The following MAPK10 variants were observed in gnomAD, a reference collection of about 807,000 sequenced individuals.
The protein encoded by MAPK10 is JNK3 alpha protein kinase.
MAPK10 carries 25 observed loss-of-function variants against 59.3 expected under a neutral mutation model. The ratio of observed to expected loss-of-function variants is 0.42; its 90% CI spans 0.31 to 0.59. MAPK10 has a LOEUF of 0.59. Ranked by LOEUF, MAPK10 falls within the 20% of genes least tolerant of loss-of-function variation. The pLI is 0.15. For missense variants in MAPK10, 351 were observed against 568.9 expected (o/e 0.62, Z 3.90); for synonymous variants, 190 against 200.5 (o/e 0.95, Z 0.44).
At chr4:86,329,317 T>C (rs2096095652) in intron 2 of MAPK10, among the ~76,000 whole-genome samples, 1 of 152,246 alleles carries the variant, frequency 6.6e-6, no homozygotes, top group Admixed American at 6.5e-5. Flanking sequence ...ATGTGTTAAA[T>C]ATATTTAAGC....
rs761389888 is a variant in MAPK10 at position 86,014,225 on chromosome 4, A to T, written c.*3003T>A. The T allele has an allele frequency of 6.6e-6, 1 of 152,088 alleles. No individual in the cohort carries two copies. Among genetic ancestry groups the T allele is most frequent in the Admixed American group, 6.6e-5 (1 of 15,258 alleles). The allele number at this position is 152,088 out of a possible 1,614,324, so 9.4% of individuals were successfully genotyped here. A position where few individuals can be genotyped will look rare whatever the true frequency, so the allele number is the denominator to read the frequency against. ...TCACTTTTTTTCAGGAATATTGTCC[A>T]GGTGACTTGACACTTGCCTACCGGA... On this transcript the variant is annotated 3_prime_UTR_variant, in exon 14 of 14. Transcript: ENST00000641462.
At chr4:86,460,261 T>C (rs1026502432) in intron 1 of MAPK10, among the ~76,000 whole-genome samples, 13 of 152,122 alleles carry the variant, frequency 8.5e-5, no homozygotes, top group African/African-American at 3.1e-4. Flanking sequence ...GAAATGTACA[T>C]CTTAAGTGCC....
At chr4:86,446,608 G>A (rs1038718086) in intron 1 of MAPK10, among the ~76,000 whole-genome samples, 2 of 152,072 alleles carry the variant, frequency 1.3e-5, no homozygotes, top group Non-Finnish European at 2.9e-5. Flanking sequence ...TTAATCACAG[G>A]TCTTCAAAGG....
intron 2 of MAPK10, among the ~76,000 whole-genome samples, chr4:86,291,453 G>T (rs1023152958): frequency 2.0e-5 from 3 of 152,092 alleles, no homozygotes; most frequent in Non-Finnish European, 4.4e-5. Context: ...TAGTGAAAAG[G>T]CCCAAGCATG....
At chr4:86,243,315 T>C (rs1165234890) in intron 2 of MAPK10, among the ~76,000 whole-genome samples, 8 of 152,234 alleles carry the variant, frequency 5.3e-5, no homozygotes, top group Non-Finnish European at 8.8e-5. Context: ...ATTGTGGAGA[T>C]ACTTAGTCAT....
In MAPK10 at chr4:86,012,959, A is replaced by C. The variant is rs1741821510; in HGVS notation, c.*4269T>G. 6.6e-6 allele frequency: 1 copy of C among 152,206 alleles called. No individual in the cohort carries two copies. Among genetic ancestry groups the C allele is most frequent in the African/African-American group, 2.4e-5 (1 of 41,450 alleles). The allele number at this position is 152,206 out of a possible 1,614,324, so 9.4% of individuals were successfully genotyped here. Reference sequence around the variant, plus strand: ...TCATGCAGAAAAACAGGCAGGTGCAAGTTAGGTCTCATTGCAAGATGGACA... The same window carrying C: ...TCATGCAGAAAAACAGGCAGGTGCACGTTAGGTCTCATTGCAAGATGGACA... On this transcript the variant is annotated 3_prime_UTR_variant, in exon 14 of 14. Coordinates refer to ENST00000641462, the MANE Select transcript of MAPK10 (RefSeq NM_138982.4).
intron 4 of MAPK10, among the ~76,000 whole-genome samples, chr4:86,134,942 C>A (rs1580959788): frequency 6.6e-6 from 1 of 152,166 alleles, no homozygotes; most frequent in Non-Finnish European, 1.5e-5. Flanking sequence ...CCTGGAAAAT[C>A]GGGTCACTCC....
At chr4:86,528,385 G>A (rs2149090315) in intron 1 of MAPK10, among the ~76,000 whole-genome samples, 1 of 151,534 alleles carries the variant, frequency 6.6e-6, no homozygotes, top group South Asian at 2.1e-4. Flanking sequence ...TGAGGGAGAG[G>A]ACCAGAAAAG....
At chr4:86,449,055 C>G (rs896966812) in intron 1 of MAPK10, among the ~76,000 whole-genome samples, 2 of 152,154 alleles carry the variant, frequency 1.3e-5, no homozygotes, top group Non-Finnish European at 2.9e-5. Flanking sequence ...ACTGTAAATA[C>G]AGAGGAGGAT....
At chr4:86,462,715 TA>T (rs985092453) in intron 1 of MAPK10, among the ~76,000 whole-genome samples, 9 of 152,214 alleles carry the variant, frequency 5.9e-5, no homozygotes, top group African/African-American at 1.9e-4. Flanking sequence ...CTTCTGTACC[TA>T]TAAATTTATG....
intron 9 of MAPK10, among the ~76,000 whole-genome samples, chr4:86,075,572 A>G (rs535860353): frequency 2.0e-5 from 3 of 152,098 alleles, no homozygotes; most frequent in East Asian, 1.9e-4. Context: ...ATGGGTTTTC[A>G]GTGTGGATGT....
chr4:86,026,256 G>T (rs867348252), intron 13 of MAPK10, among the ~76,000 whole-genome samples: 14 of 152,286 alleles, frequency 9.2e-5, no homozygotes, highest in Admixed American at 7.8e-4. Flanking sequence ...TGGTGAATCA[G>T]ATGCTCTCCT....
At chr4:86,568,178 ACT>A (rs1761201473) in intron 1 of MAPK10, among the ~76,000 whole-genome samples, 1 of 152,214 alleles carries the variant, frequency 6.6e-6, no homozygotes, top group African/African-American at 2.4e-5. Context: ...CCAAGTCAGA[ACT>A]CAATTCCATT....
At chr4:86,402,039 T>C (rs898108202) in intron 1 of MAPK10, among the ~76,000 whole-genome samples, 1 of 152,172 alleles carries the variant, frequency 6.6e-6, no homozygotes, top group Admixed American at 6.5e-5. Flanking sequence ...TACTTCCATA[T>C]GAGCACATGA....
intron 2 of MAPK10, among the ~76,000 whole-genome samples, chr4:86,335,871 C>T (rs913878913): frequency 4.6e-5 from 7 of 152,072 alleles, no homozygotes; most frequent in East Asian, 1.9e-4. Context: ...TGGGGGAAAC[C>T]GCCTCCATGA....
At chr4:86,243,061 G>T (rs1398907208) in intron 2 of MAPK10, among the ~76,000 whole-genome samples, 1 of 152,198 alleles carries the variant, frequency 6.6e-6, no homozygotes. Flanking sequence ...CTGGCGGGAG[G>T]GGGGTCCCCT....
chr4:86,491,476 C>T (rs1754450817), intron 1 of MAPK10, among the ~76,000 whole-genome samples: 2 of 152,096 alleles, frequency 1.3e-5, no homozygotes, highest in South Asian at 4.1e-4. Flanking sequence ...TACATGCTCA[C>T]CAGAGTTAAA....
intron 2 of MAPK10, among the ~76,000 whole-genome samples, chr4:86,256,205 C>T (rs953996912): frequency 6.6e-6 from 1 of 152,158 alleles, no homozygotes; most frequent in African/African-American, 2.4e-5. Flanking sequence ...CTACAATCAA[C>T]CAATCTCATA....
At chr4:86,457,827 A>C (rs1751371446), upstream of MAPK10, 1 of 152,166 alleles carries the variant, frequency 6.6e-6, no homozygotes, top group Admixed American at 6.5e-5. Context: ...TCCATACGGA[A>C]CCAAAAAAGA....
Sources: allele counts gnomAD v4.1 joint callset (sites outside exome capture counted in the v4.1 genomes callset), GRCh38; gene constraint gnomAD v4.1.1; transcripts MANE v1.5; gene names NCBI Gene and HGNC (gene_info 2026-07-23, HGNC 2026-07-21).